The following COL1A2 variants were observed in gnomAD, a reference collection of about 807,000 sequenced individuals.
COL1A2 encodes collagen type I alpha 2 chain.
Under a neutral mutation model 174.3 loss-of-function variants are expected in COL1A2, and 49 were observed. That is an observed-to-expected ratio of 0.28 (90% confidence interval 0.22 to 0.36). COL1A2 has a LOEUF of 0.36. Ranked by LOEUF, COL1A2 falls within the 10% of genes least tolerant of loss-of-function variation. The probability of loss-of-function intolerance (pLI) is 1.00; values close to 1 mark genes in which losing one functional copy is unlikely to be tolerated. For synonymous variants in COL1A2, 655 were observed against 606.6 expected (o/e 1.08, Z -1.17); for missense variants, 1,438 against 1,822.7 (o/e 0.79, Z 3.84).
intron 29 of COL1A2, 34 bp downstream of exon 29, chr7:94,414,309 C>T: frequency 6.3e-7 from 1 of 1,591,156 alleles, no homozygotes; most frequent in Non-Finnish European, 8.6e-7. Flanking sequence ...GTAGTAACTA[C>T]TAAACTTGAG....
rs1792233432 is a variant in COL1A2 at position 94,424,454 on chromosome 7, G to A, written c.2673+11G>A. On this transcript the variant is annotated intron_variant, in intron 41 of 51. Coordinates refer to ENST00000297268, the MANE Select transcript of COL1A2 (RefSeq NM_000089.4). ...GTTGCTGGTGCTGTGGTGAGTGCTT[G>A]ACAGTATTCTGACTCCATTAACATA... 8.7e-6 allele frequency: 14 copies of A among 1,610,678 alleles called. No homozygotes were observed. Among genetic ancestry groups the A allele is most frequent in the Non-Finnish European group, 1.0e-5 (12 of 1,176,926 alleles).
At chr7:94,401,647 A>G (rs748026740) in intron 6 of COL1A2, 27 bp downstream of exon 6, 3 of 1,549,858 alleles carry the variant, frequency 1.9e-6, no homozygotes, top group Non-Finnish European at 1.8e-6. Context: ...ATCTTAGCCA[A>G]AAAAATTGCT....
chr7:94,421,998 G>C (rs377367541), intron 39 of COL1A2, 46 bp downstream of exon 39: 4 of 1,555,260 alleles, frequency 2.6e-6, no homozygotes, highest in Non-Finnish European at 3.5e-6. Flanking sequence ...CTAGCCAAAA[G>C]GCCTGGCTTC....
chr7:94,410,549 C>A (rs1214908439), intron 21 of COL1A2, 22 bp downstream of exon 21: 15 of 1,512,266 alleles, frequency 9.9e-6, no homozygotes, highest in Non-Finnish European at 1.3e-5. Flanking sequence ...ATGCTCCCAA[C>A]ACCCTAACAC....
At chr7:94,420,364 C>T (rs768878718) in intron 35 of COL1A2, 27 bp from the exon 36 acceptor site, 1 of 1,614,168 alleles carries the variant, frequency 6.2e-7, no homozygotes, top group South Asian at 1.1e-5. Flanking sequence ...ATTGATAACA[C>T]ATTTTTAAAT....
At chr7:94,397,033 G>A (rs1473938707) in intron 1 of COL1A2, among the ~76,000 whole-genome samples, 48 of 151,436 alleles carry the variant, frequency 3.2e-4, no homozygotes, top group Admixed American at 3.2e-3. Context: ...TCTTTAATCC[G>A]GTTTTTCCAT....
intron 37 of COL1A2, 128 bp downstream of exon 37, chr7:94,420,776 A>T: frequency 2.0e-6 from 2 of 988,934 alleles, no homozygotes; most frequent in Admixed American, 4.0e-5. Flanking sequence ...TAACGGAAGG[A>T]TTAACATTTG....
Position 94,426,051 on chromosome 7 carries a change from T to C in COL1A2, c.2997T>C (p.Ser999=). ...GTGCTGTTGGCCCAAGAGGTCCTAG[T>C]GTATGTACATGCTGAAGATTTCTTT... is the stretch of plus-strand genomic sequence containing the variant. ...PAGAVGPRGP[S]GPQGIRGDKG... Residue 999 remains serine (S), a splice_region_variant and synonymous_variant, in exon 45 of 52, where the codon AGT becomes AGC. Coordinates refer to ENST00000297268, the MANE Select transcript of COL1A2 (RefSeq NM_000089.4). 6.2e-7 allele frequency: 1 copy of C among 1,613,180 alleles called. No homozygotes were observed. The highest frequency in any genetic ancestry group is 8.5e-7 in the Non-Finnish European group (1 of 1,179,106).
chr7:94,413,146 A>G lies in COL1A2; in HGVS notation c.1557+10A>G. 1 of 1,613,852 alleles carries G rather than the reference A, an allele frequency of 6.2e-7. No homozygotes were observed. Among genetic ancestry groups the G allele is most frequent in the Non-Finnish European group, 8.5e-7 (1 of 1,179,734 alleles). On this transcript the variant is annotated intron_variant, in intron 26 of 51. Coordinates refer to ENST00000297268, the MANE Select transcript of COL1A2 (RefSeq NM_000089.4). ...TCTTGCTGGTGCTCGGGTAGGTGCT[A>G]ACTTGTGTACAGATCTATTCACATA...
intron 26 of COL1A2, 34 bp downstream of exon 26, chr7:94,413,170 T>C (rs1584322017): frequency 1.2e-6 from 2 of 1,601,474 alleles, no homozygotes; most frequent in Non-Finnish European, 1.7e-6. Flanking sequence ...TCTATTCACA[T>C]AGCATTCATC....
At chr7:94,415,194 G>A (rs766321471) in intron 29 of COL1A2, 32 bp from the exon 30 acceptor site, 1 of 1,604,384 alleles carries the variant, frequency 6.2e-7, no homozygotes, top group East Asian at 2.2e-5. Flanking sequence ...ATCACACACA[G>A]ATTTCATGCT....
chr7:94,420,686 C>T (rs1225334830), intron 37 of COL1A2, 38 bp downstream of exon 37: 3 of 1,516,866 alleles, frequency 2.0e-6, no homozygotes, highest in Admixed American at 3.9e-5. Flanking sequence ...CAGCAGCTAC[C>T]CATTAGATCT....
chr7:94,425,634 C>T lies in COL1A2; in HGVS notation c.2806C>T (p.Pro936Ser). 1.9e-6 allele frequency: 3 copies of T among 1,614,052 alleles called. No individual in the cohort carries two copies. Among genetic ancestry groups the T allele is most frequent in the Non-Finnish European group, 2.5e-6 (3 of 1,179,982 alleles). The change falls in exon 43 of 52, where the codon CCA becomes TCA. Residue 936 changes from proline (P) to serine (S), a missense_variant. Physicochemically the swap from Pro to Ser is moderately conservative, Grantham distance 74. This residue lies in a region of COL1A2 where 867 missense variants were observed against 1,213.7 expected (regional missense o/e 0.71). Transcript: ENST00000297268. ...GGGCAACCCTGGGAACGATGGTCCC[C>T]CAGGTCGCGATGGTCAACCCGGACA... ...RDGNPGNDGPPGRDGQPGHKG... is the reference protein window; with the variant it reads ...RDGNPGNDGPSGRDGQPGHKG...
chr7:94,407,758 T>A, intron 12 of COL1A2, 89 bp from the exon 13 acceptor site: 1 of 1,190,124 alleles, frequency 8.4e-7, no homozygotes, highest in Non-Finnish European at 1.2e-6. Flanking sequence ...TATGAATGGT[T>A]CAAAGTAAAA....
chr7:94,405,775 G>GA, intron 11 of COL1A2, 49 bp downstream of exon 11: 13 of 1,441,538 alleles, frequency 9.0e-6, no homozygotes, highest in Non-Finnish European at 1.3e-5. Flanking sequence ...TTAATTTTTG[G>GA]AAAAAACTCA....
At chr7:94,411,028 T>C (rs781293161) in intron 22 of COL1A2, 28 bp from the exon 23 acceptor site, 3 of 1,591,020 alleles carry the variant, frequency 1.9e-6, no homozygotes, top group Middle Eastern at 1.7e-4. Context: ...CCTCCTCCTC[T>C]ATCTGTTTTT....
At chr7:94,401,747 ACT>A in intron 6 of COL1A2, 127 bp downstream of exon 6, 2 of 523,498 alleles carry the variant, frequency 3.8e-6, no homozygotes, top group Non-Finnish European at 6.7e-6. Flanking sequence ...TATAAAAACA[ACT>A]CTTTTTGTTT....
chr7:94,420,789 C>T, intron 37 of COL1A2, 141 bp downstream of exon 37: 1 of 922,704 alleles, frequency 1.1e-6, no homozygotes, highest in East Asian at 2.6e-5. Flanking sequence ...AACATTTGCA[C>T]ACTGCTTTAC....
chr7:94,406,009 A>C (rs1367468398), intron 11 of COL1A2, among the ~76,000 whole-genome samples: 1 of 152,226 alleles, frequency 6.6e-6, no homozygotes, highest in East Asian at 1.9e-4. Flanking sequence ...AAAATTATTA[A>C]GGATGGAAAA....
Sources: gnomAD v4.1 joint callset for allele counts (sites outside exome capture counted in the v4.1 genomes callset) on GRCh38, gnomAD v4.1.1 for gene constraint, gnomAD v4.1.1 regional missense constraint, MANE v1.5 for transcripts, NCBI Gene and HGNC (gene_info 2026-07-23, HGNC 2026-07-21) for gene names.